The following MACROD2 variants were observed in gnomAD, a reference collection of about 807,000 sequenced individuals.
The protein encoded by MACROD2 is mono-ADP ribosylhydrolase 2.
Under a neutral mutation model 70.4 loss-of-function variants are expected in MACROD2, and 36 were observed. The observed-to-expected ratio is 0.51, with a 90% CI of 0.39 to 0.68. The LOEUF (loss-of-function observed/expected upper bound fraction) is 0.68. Ranked by LOEUF, MACROD2 falls within the 30% of genes least tolerant of loss-of-function variation. The probability of loss-of-function intolerance (pLI) is 0.00; values close to 1 mark genes in which losing one functional copy is unlikely to be tolerated. For missense variants in MACROD2, 496 were observed against 538.4 expected, an observed-to-expected ratio of 0.92 and a Z score of 0.78; for synonymous variants, 172 against 178.8, an observed-to-expected ratio of 0.96 and a Z score of 0.30.
intron 3 of MACROD2, among the ~76,000 whole-genome samples, chr20:14,241,110 CG>C (rs1164669603): frequency 6.6e-6 from 1 of 151,238 alleles, no homozygotes; most frequent in Non-Finnish European, 1.5e-5. Context: ...AGTGAGACTC[CG>C]TCTCAAAAAA....
At chr20:14,461,797 T>A (rs2084375998) in intron 3 of MACROD2, among the ~76,000 whole-genome samples, 1 of 151,798 alleles carries the variant, frequency 6.6e-6, no homozygotes, top group Non-Finnish European at 1.5e-5. Context: ...AGAATGAGGG[T>A]TTCCAGCTTC....
Position 15,486,097 on chromosome 20 carries a change from G to T in MACROD2, c.572-13677G>T, listed in dbSNP as rs551124537. 8.5e-5 allele frequency among the ~76,000 whole-genome samples: 13 copies of T among 152,082 alleles called. No homozygotes were observed. The South Asian group carries it at 2.5e-3, about 29-fold the overall frequency. ...ATTTTATAATTTCTTCAGAGGTTTGGCTATAAACAAGACAGTTTTGTTGAA... is the reference window on the plus strand; with the variant it reads ...ATTTTATAATTTCTTCAGAGGTTTGTCTATAAACAAGACAGTTTTGTTGAA... On this transcript the variant is annotated intron_variant, in intron 7 of 17. Transcript: ENST00000684519.
intron 3 of MACROD2, among the ~76,000 whole-genome samples, chr20:14,394,405 A>G (rs925414634): frequency 6.6e-6 from 1 of 152,188 alleles, no homozygotes; most frequent in Non-Finnish European, 1.5e-5. Context: ...TCAATGTTAA[A>G]CTGCTTGTTG....
At chr20:15,677,760 C>T (rs576580127) in intron 8 of MACROD2, among the ~76,000 whole-genome samples, 13 of 152,258 alleles carry the variant, frequency 8.5e-5, no homozygotes, top group East Asian at 3.9e-4. Context: ...TTGAGATTTT[C>T]GTTTTTACCT....
At chr20:14,703,459 A>G (rs779179214) in intron 5 of MACROD2, among the ~76,000 whole-genome samples, 1 of 152,204 alleles carries the variant, frequency 6.6e-6, no homozygotes, top group Non-Finnish European at 1.5e-5. Flanking sequence ...AATGTTAGGT[A>G]TATGTGAGGT....
intron 3 of MACROD2, among the ~76,000 whole-genome samples, chr20:14,246,416 A>T (rs6033917): frequency 6.6e-6 from 1 of 152,072 alleles, no homozygotes; most frequent in African/African-American, 2.4e-5. Flanking sequence ...CGCCGAGGAA[A>T]TTCCTCCCTC....
chr20:15,203,207 C>T (rs561678523), intron 5 of MACROD2, among the ~76,000 whole-genome samples: 5 of 152,162 alleles, frequency 3.3e-5, no homozygotes, highest in African/African-American at 7.2e-5. Flanking sequence ...AATCTTACAT[C>T]GCAAATTAGT....
At chr20:15,122,782 A>AG (rs2076040012) in intron 5 of MACROD2, among the ~76,000 whole-genome samples, 1 of 152,152 alleles carries the variant, frequency 6.6e-6, no homozygotes, top group South Asian at 2.1e-4. Flanking sequence ...TTGCCTCATG[A>AG]GGGGGAAAAA....
chr20:15,914,641 T>TC (rs1298849631), intron 10 of MACROD2, among the ~76,000 whole-genome samples: 7 of 152,194 alleles, frequency 4.6e-5, no homozygotes, highest in Non-Finnish European at 1.0e-4. Context: ...ATGTGTTTTT[T>TC]CCCTCACACT....
At chr20:14,688,808 C>A (rs2123605268) in intron 5 of MACROD2, among the ~76,000 whole-genome samples, 1 of 152,266 alleles carries the variant, frequency 6.6e-6, no homozygotes, top group African/African-American at 2.4e-5. Context: ...ATGTCAGTAT[C>A]AATCATAGTG....
chr20:15,795,774 AC>A (rs2063667322), intron 8 of MACROD2, among the ~76,000 whole-genome samples: 1 of 152,152 alleles, frequency 6.6e-6, no homozygotes. Flanking sequence ...TAAAAGGCTC[AC>A]CAATGCCTGG....
At chr20:14,862,526 AATAT>A (rs1287949414) in intron 5 of MACROD2, among the ~76,000 whole-genome samples, 1 of 18,484 alleles carries the variant, frequency 5.4e-5, no homozygotes, top group Non-Finnish European at 9.2e-5. Context: ...TATAAATATA[AATAT>A]ATATAAATAT....
intron 3 of MACROD2, among the ~76,000 whole-genome samples, chr20:14,296,396 C>A (rs1198501033): frequency 6.6e-6 from 1 of 151,806 alleles, no homozygotes; most frequent in East Asian, 1.9e-4. Context: ...TTAAAACTAC[C>A]CAAGTGTCCA....
At chr20:15,906,381 A>T (rs13044185) in intron 10 of MACROD2, among the ~76,000 whole-genome samples, 6,188 of 152,270 alleles carry the variant, frequency 0.041, 304 homozygotes, top group East Asian at 0.12. Flanking sequence ...GTACAGTAAA[A>T]ATAACCTTTT....
chr20:14,926,501 G>C (rs6042996), intron 5 of MACROD2, among the ~76,000 whole-genome samples: 21,900 of 151,136 alleles, frequency 0.14, 1,745 homozygotes, highest in South Asian at 0.19. Context: ...AGTGAGCCGA[G>C]ATTGCATCAC....
At chr20:15,461,603 T>C (rs145614527) in intron 7 of MACROD2, among the ~76,000 whole-genome samples, 1,768 of 152,332 alleles carry the variant, frequency 0.012, 31 homozygotes, top group African/African-American at 0.04. Context: ...ACAAGGATAA[T>C]AATACCTACT....
intron 6 of MACROD2, among the ~76,000 whole-genome samples, chr20:15,249,158 G>C (rs1229720569): frequency 2.6e-5 from 4 of 152,134 alleles, no homozygotes; most frequent in African/African-American, 9.7e-5. Flanking sequence ...CTCCTTGTTC[G>C]AGATCTCCCT....
chr20:15,798,828 C>A (rs1238426905), intron 8 of MACROD2, among the ~76,000 whole-genome samples: 3 of 152,146 alleles, frequency 2.0e-5, no homozygotes, highest in African/African-American at 7.2e-5. Context: ...TGGGTATGAC[C>A]ACTAAGTTTT....
chr20:15,122,376 C>G (rs993807084), intron 5 of MACROD2, among the ~76,000 whole-genome samples: 2 of 152,158 alleles, frequency 1.3e-5, no homozygotes, highest in East Asian at 1.9e-4. Context: ...GTTGTTTCCT[C>G]TGCTGCATTA....
Sources: allele counts gnomAD v4.1 joint callset (sites outside exome capture counted in the v4.1 genomes callset), GRCh38; gene constraint gnomAD v4.1.1; transcripts MANE v1.5; gene names NCBI Gene and HGNC (gene_info 2026-07-23, HGNC 2026-07-21).